PCSK5: variants seen among roughly 807,000 people sequenced by gnomAD.
The protein encoded by PCSK5 is proprotein convertase subtilisin/kexin type 5, also known as prohormone convertase 5.
Under a neutral mutation model 233.2 loss-of-function variants are expected in PCSK5, and 129 were observed. The observed-to-expected ratio is 0.55, with a 90% CI of 0.48 to 0.64. PCSK5 has a LOEUF of 0.64. Among genes scored for constraint, PCSK5 ranks in the 30% least tolerant of loss-of-function variants. The pLI, the probability that PCSK5 is intolerant of heterozygous loss-of-function variation, is 0.00. For synonymous variants in PCSK5, 825 were observed against 879.2 expected (o/e 0.94, Z 1.09); for missense variants, 2,076 against 2,430.1 (o/e 0.85, Z 3.06).
chr9:76,096,194 C>CAG lies in PCSK5; in HGVS notation c.1107+93_1107+94insGA. 4.5e-6 allele frequency: 3 copies of CAG among 660,562 alleles called. No individual in the cohort carries two copies. The Admixed American group carries it at 7.7e-5, about 17-fold the overall frequency. 40.9% of individuals were successfully genotyped at this position (660,562 alleles called of 1,614,324 possible). A position where few individuals can be genotyped will look rare whatever the true frequency, so the allele number is the denominator to read the frequency against. On this transcript the variant is annotated intron_variant, in intron 8 of 37. Transcript: ENST00000674117. ...AACCATAAACATATATATATATACA[C>CAG]ACACACACACACACACACACAGAAG...
At chr9:76,322,854 G>A (rs113081792) in intron 31 of PCSK5, among the ~76,000 whole-genome samples, 198 bp from the exon 32 acceptor site, 5 of 152,148 alleles carry the variant, frequency 3.3e-5, no homozygotes, top group African/African-American at 7.2e-5. Context: ...CATCTAATAC[G>A]GTCACCATGT....
chr9:76,288,145 G>A (rs1372824294), intron 24 of PCSK5: 1 of 152,242 alleles, frequency 6.6e-6, no homozygotes, highest in Non-Finnish European at 1.5e-5. Flanking sequence ...ATCCTGTCAA[G>A]CCCAGCTCTT....
At chr9:76,186,043 A>G (rs1824087705) in intron 17 of PCSK5, among the ~76,000 whole-genome samples, 1 of 152,246 alleles carries the variant, frequency 6.6e-6, no homozygotes, top group Admixed American at 6.5e-5. Flanking sequence ...TAAATATGCC[A>G]GTAACCACAT....
intron 1 of PCSK5, among the ~76,000 whole-genome samples, chr9:75,910,640 T>C (rs1348607067): frequency 6.6e-6 from 1 of 152,150 alleles, no homozygotes; most frequent in African/African-American, 2.4e-5. Context: ...TTGTCTTTTA[T>C]TTTTCCCCAT....
At chr9:75,905,100 A>C (rs1826202730) in intron 1 of PCSK5, among the ~76,000 whole-genome samples, 1 of 152,210 alleles carries the variant, frequency 6.6e-6, no homozygotes, top group African/African-American at 2.4e-5. Flanking sequence ...GGATTTAGCA[A>C]ATCTATAGAG....
At chr9:76,172,383 A>G (rs1229448646) in intron 13 of PCSK5, among the ~76,000 whole-genome samples, 1 of 152,206 alleles carries the variant, frequency 6.6e-6, no homozygotes, top group Non-Finnish European at 1.5e-5. Flanking sequence ...AGAAAAAAAA[A>G]TGATGGCCCA....
At chr9:76,159,272 C>A in intron 12 of PCSK5, 101 bp downstream of exon 12, 1 of 1,032,048 alleles carries the variant, frequency 9.7e-7, no homozygotes, top group Non-Finnish European at 1.4e-6. Context: ...AACCTGGGAA[C>A]CAGCAGAGGG....
intron 1 of PCSK5, among the ~76,000 whole-genome samples, chr9:75,904,907 T>C (rs1826193627): frequency 6.6e-6 from 1 of 152,224 alleles, no homozygotes; most frequent in Non-Finnish European, 1.5e-5. Context: ...CAACTGTCTA[T>C]CAACGGATAA....
chr9:76,215,360 A>G (rs1825482485), intron 20 of PCSK5, among the ~76,000 whole-genome samples: 1 of 152,190 alleles, frequency 6.6e-6, no homozygotes, highest in Admixed American at 6.5e-5. Flanking sequence ...TGAGATGATC[A>G]CTAGAATCGA....
rs546539231 is a variant in PCSK5, at chr9:76,046,479, T to G, written c.632+19442T>G. On this transcript the variant is annotated intron_variant, in intron 5 of 37. Coordinates refer to ENST00000674117, the MANE Select transcript of PCSK5 (RefSeq NM_001372043.1). ...GCGTGAGCCACCGCGCCCAGCCAAT[T>G]TTTTCTTTTATATTTTATGGTGTTT... is the stretch of plus-strand genomic sequence containing the variant. 2.4e-4 allele frequency among the ~76,000 whole-genome samples: 36 copies of G among 149,926 alleles called. 1 individual carries two copies. The East Asian group carries it at 6.9e-3, about 29-fold the overall frequency.
Position 76,217,816 on chromosome 9 carries a change from G to A in PCSK5, c.2627-9687G>A, listed in dbSNP as rs59285873. ...AAAGCTCTGATAGGATGCAAACCAC[G>A]GGGAAGGACGTTAGTAGGCAAGGAA... On this transcript the variant is annotated intron_variant, in intron 20 of 37. Coordinates refer to ENST00000674117, the MANE Select transcript of PCSK5 (RefSeq NM_001372043.1). 4.0e-3 allele frequency among the ~76,000 whole-genome samples: 612 copies of A among 152,302 alleles called. 6 individuals are homozygous for A. Among genetic ancestry groups the A allele is most frequent in the African/African-American group, 0.014 (574 of 41,548 alleles).
intron 2 of PCSK5, among the ~76,000 whole-genome samples, chr9:75,953,300 G>A (rs1824947423): frequency 6.6e-6 from 1 of 152,136 alleles, no homozygotes. Flanking sequence ...CAAAAGAAGT[G>A]AGATTAGGGA....
intron 3 of PCSK5, among the ~76,000 whole-genome samples, chr9:76,017,099 A>G (rs1465588524): frequency 6.6e-6 from 1 of 152,148 alleles, no homozygotes; most frequent in Non-Finnish European, 1.5e-5. Flanking sequence ...TGTGGAGTAA[A>G]AAGGATGATT....
At position 76,151,456 on chromosome 9, in the gene PCSK5, C is replaced by T. The variant is rs146127595; in HGVS notation, c.1313-5589C>T. ...GCAGTCTGGTCTCACCCTCTATTCC[C>T]TGCACACTTACCACTCTCCCCTTCC... On this transcript the variant is annotated intron_variant, in intron 10 of 37. Coordinates refer to ENST00000674117, the MANE Select transcript of PCSK5 (RefSeq NM_001372043.1). 1.7e-3 allele frequency among the ~76,000 whole-genome samples: 265 copies of T among 152,298 alleles called. 1 individual carries two copies. The highest frequency in any genetic ancestry group is 5.5e-3 in the African/African-American group (227 of 41,554).
Position 75,938,015 on chromosome 9 carries a change from C to A in PCSK5, c.297+5532C>A, listed in dbSNP as rs1408075569. Among the ~76,000 whole-genome samples the A allele has an allele frequency of 3.3e-5, 5 of 152,206 alleles. No individual in the cohort carries two copies. The East Asian group carries it at 5.8e-4, about 18-fold the overall frequency. ...CTCCCTATCAGCAATAAGGCTGTTTCTCTTTCTTATCATCTGTGCGTTCAT... is the reference window on the plus strand; with the variant it reads ...CTCCCTATCAGCAATAAGGCTGTTTATCTTTCTTATCATCTGTGCGTTCAT... On this transcript the variant is annotated intron_variant, in intron 2 of 37. Coordinates refer to ENST00000674117, the MANE Select transcript of PCSK5 (RefSeq NM_001372043.1).
At chr9:75,909,195 C>G (rs1381595442) in intron 1 of PCSK5, among the ~76,000 whole-genome samples, 1 of 151,256 alleles carries the variant, frequency 6.6e-6, no homozygotes, top group Non-Finnish European at 1.5e-5. Flanking sequence ...TGTGGTGATG[C>G]ACACCTGTAG....
In PCSK5 at chr9:76,175,126, G is replaced by T. The variant is rs1271823087; in HGVS notation, c.1897G>T (p.Ala633Ser). 3 of 1,613,900 alleles carry T rather than the reference G, an allele frequency of 1.9e-6. No individual in the cohort carries two copies. The highest frequency in any genetic ancestry group is 2.5e-6 in the Non-Finnish European group (3 of 1,179,980). Residue 633 changes from alanine to serine, a missense_variant, in exon 14 of 38, where the codon GCA becomes TCA. By Grantham distance (99) the Ala-to-Ser change is moderately conservative (BLOSUM62 1). This residue lies in a region of PCSK5 where 84 missense variants were observed against 108.8 expected (regional missense o/e 0.77). Transcript: ENST00000674117. ...PTDDYGTEDYAGPCDPECSEV... is the reference protein window; with the variant it reads ...PTDDYGTEDYSGPCDPECSEV... ...AGACGACTATGGCACAGAGGATTAT[G>T]CAGGTGAGCTGGCTTCCAGTGGGAC...
At position 76,158,980 on chromosome 9, in the gene PCSK5, C is replaced by T. The variant is rs1374769298; in HGVS notation, c.1431-3C>T. ...TCAAACTCTCCATCTCTCTCTGTTA[C>T]AGGACAATCCGCCCTAACAGTGCAG... On this transcript the variant is annotated splice_region_variant and splice_polypyrimidine_tract_variant and intron_variant, in intron 11 of 37. Coordinates refer to ENST00000674117, the MANE Select transcript of PCSK5 (RefSeq NM_001372043.1). 1.2e-6 allele frequency: 2 copies of T among 1,612,380 alleles called. No homozygotes were observed. Among genetic ancestry groups the T allele is most frequent in the Non-Finnish European group, 1.7e-6 (2 of 1,178,662 alleles).
intron 7 of PCSK5, among the ~76,000 whole-genome samples, chr9:76,087,171 G>T (rs1188978468): frequency 6.6e-6 from 1 of 152,250 alleles, no homozygotes; most frequent in African/African-American, 2.4e-5. Context: ...TTAAGAAGCA[G>T]TGTTAAGTGT....
Sources: allele counts gnomAD v4.1 joint callset (sites outside exome capture counted in the v4.1 genomes callset), GRCh38; gene constraint gnomAD v4.1.1; regional missense constraint gnomAD v4.1.1; transcripts MANE v1.5; gene names NCBI Gene and HGNC (gene_info 2026-07-23, HGNC 2026-07-21).